Variants in DMD observed in about 807,000 individuals in gnomAD.
The protein encoded by DMD is mutant dystrophin.
Under a neutral mutation model 330.1 loss-of-function variants are expected in DMD, and 63 were observed. The ratio of observed to expected loss-of-function variants is 0.19; its 90% CI spans 0.16 to 0.24. The LOEUF (loss-of-function observed/expected upper bound fraction) is 0.24. DMD is among the 10% of genes least tolerant of loss of function. DMD has a pLI of 1.00. For synonymous variants in DMD, 1,223 were observed against 959.8 expected, an observed-to-expected ratio of 1.27 and a Z score of -5.07; for missense variants, 3,344 against 2,684.1, an observed-to-expected ratio of 1.25 and a Z score of -5.43.
At chrX:32,275,496 C>T (rs2097382519) in intron 43 of DMD, among the ~76,000 whole-genome samples, 1 of 111,551 alleles carries the variant, frequency 9.0e-6, no homozygotes, top group South Asian at 3.8e-4. Flanking sequence ...AGATTGTAGA[C>T]ATATGTAGGA....
intron 45 of DMD, among the ~76,000 whole-genome samples, chrX:31,945,287 T>A (rs1286057443): frequency 8.9e-6 from 1 of 112,452 alleles, no homozygotes; most frequent in Non-Finnish European, 1.9e-5. Flanking sequence ...GTTAACAAAA[T>A]GTTGACAGGC....
At chrX:31,258,230 G>C (rs1057095212) in intron 63 of DMD, among the ~76,000 whole-genome samples, 1 of 112,597 alleles carries the variant, frequency 8.9e-6, no homozygotes, top group Non-Finnish European at 1.9e-5. Context: ...CCACATAGCT[G>C]TGTAGCCCTG....
At chrX:31,333,439 A>C (rs1399851226) in intron 61 of DMD, among the ~76,000 whole-genome samples, 6 of 81,175 alleles carry the variant, frequency 7.4e-5, no homozygotes, top group Non-Finnish European at 6.8e-5. Flanking sequence ...TTTTTGCCTG[A>C]AGATAACAAG....
chrX:32,820,438 T>A (rs180697899), intron 5 of DMD, among the ~76,000 whole-genome samples: 39 of 110,694 alleles, frequency 3.5e-4, no homozygotes, highest in African/African-American at 1.2e-3. Flanking sequence ...CGAGACTCTG[T>A]CTCAAAAATA....
intron 50 of DMD, among the ~76,000 whole-genome samples, chrX:31,782,293 C>T (rs377538214): frequency 2.7e-5 from 3 of 111,032 alleles, no homozygotes; most frequent in Admixed American, 9.7e-5. Flanking sequence ...TCACTTGTTT[C>T]GGCTAATGAG....
At chrX:32,394,910 A>AAAACAAAAAC (rs371961157) in intron 30 of DMD, among the ~76,000 whole-genome samples, 1 of 31,293 alleles carries the variant, frequency 3.2e-5, no homozygotes, top group African/African-American at 1.1e-4. Context: ...GCAAAAAACA[A>AAAACAAAAAC]AAAAACAAAA....
chrX:33,249,897 C>A (rs12011287), intron 1 of DMD, among the ~76,000 whole-genome samples: 427 of 109,711 alleles, frequency 3.9e-3, no homozygotes, highest in African/African-American at 0.013. Flanking sequence ...GGATACTGTA[C>A]TCAGAGAATG....
chrX:32,064,708 G>A (rs2147719415), intron 44 of DMD, among the ~76,000 whole-genome samples: 1 of 110,988 alleles, frequency 9.0e-6, no homozygotes. Flanking sequence ...TGGGTATATG[G>A]TGAGCTAAAG....
intron 44 of DMD, among the ~76,000 whole-genome samples, chrX:32,130,136 G>T (rs1360056400): frequency 9.0e-6 from 1 of 110,581 alleles, no homozygotes; most frequent in East Asian, 2.8e-4. Flanking sequence ...TTATAACAAG[G>T]GGGTGAGGAC....
intron 55 of DMD, among the ~76,000 whole-genome samples, chrX:31,576,951 G>C (rs955836143): frequency 9.1e-6 from 1 of 110,066 alleles, no homozygotes; most frequent in African/African-American, 3.3e-5. Flanking sequence ...TCCTGACCTC[G>C]TGATCCGCCC....
intron 55 of DMD, among the ~76,000 whole-genome samples, chrX:31,591,994 T>C (rs2076896390): frequency 9.0e-6 from 1 of 110,798 alleles, no homozygotes; most frequent in Admixed American, 9.7e-5. Flanking sequence ...AAGCCTTGCC[T>C]GGTCCTATTG....
intron 7 of DMD, among the ~76,000 whole-genome samples, chrX:32,713,126 C>G (rs2065346125): frequency 8.9e-6 from 1 of 111,826 alleles, no homozygotes; most frequent in South Asian, 3.7e-4. Flanking sequence ...GTTATAAAAT[C>G]TACTAAAGCA....
chrX:33,146,823 A>G lies in DMD; in HGVS notation c.31+64459T>C, dbSNP rs73621879. Among the ~76,000 whole-genome samples the G allele has an allele frequency of 8.3e-3, 911 of 109,997 alleles. 4 individuals carry two copies. Among genetic ancestry groups the G allele is most frequent in the African/African-American group, 0.029 (873 of 29,634 alleles). ...TATTTTGTTGAAGACAAATTAATAA[A>G]TCTTTTTTTTTTCTTTTTGAGACGA... On this transcript the variant is annotated intron_variant, in intron 1 of 78. Coordinates refer to ENST00000357033, the MANE Select transcript of DMD (RefSeq NM_004006.3).
chrX:32,579,970 G>C, intron 13 of DMD, among the ~76,000 whole-genome samples: 2 of 106,863 alleles, frequency 1.9e-5, no homozygotes, highest in Middle Eastern at 0.01. Context: ...GCCTTTTGTT[G>C]TTGTCACTGC....
At chrX:32,126,709 G>C (rs1361216580) in intron 44 of DMD, among the ~76,000 whole-genome samples, 1 of 111,719 alleles carries the variant, frequency 9.0e-6, no homozygotes, top group Admixed American at 9.5e-5. Context: ...CAGTCTATCA[G>C]CTAGAAATGT....
intron 41 of DMD, among the ~76,000 whole-genome samples, chrX:32,332,970 G>T: frequency 9.0e-6 from 1 of 110,809 alleles, no homozygotes; most frequent in Non-Finnish European, 1.9e-5. Flanking sequence ...AATAAAAATG[G>T]CAAGTGCCCA....
intron 2 of DMD, among the ~76,000 whole-genome samples, chrX:32,978,809 C>T (rs945194581): frequency 4.5e-5 from 5 of 111,961 alleles, no homozygotes; most frequent in African/African-American, 1.6e-4. Context: ...AATTTTATTT[C>T]CTTTGCTTCA....
At chrX:32,500,855 A>C in intron 19 of DMD, among the ~76,000 whole-genome samples, 1 of 111,975 alleles carries the variant, frequency 8.9e-6, no homozygotes, top group Non-Finnish European at 1.9e-5. Context: ...CCAAATTTGC[A>C]ATTAAGGCAA....
rs142297104 is a variant in DMD, at chrX:32,308,729, G to T, written c.6117+1353C>A. ...AGTGTAGCCAAGGGTCTAACATTCT[G>T]AGTATGCCAGGCTAAGAGGTATGGA... On this transcript the variant is annotated intron_variant, in intron 42 of 78. Transcript: ENST00000357033. Among the ~76,000 whole-genome samples, 27 of 111,100 alleles carry T rather than the reference G, an allele frequency of 2.4e-4. No homozygotes were observed. In the East Asian group the frequency reaches 7.7e-3, roughly 32 times the overall value.
Sources: gnomAD v4.1 joint callset for allele counts (sites outside exome capture counted in the v4.1 genomes callset) on GRCh38, gnomAD v4.1.1 for gene constraint, MANE v1.5 for transcripts, NCBI Gene and HGNC (gene_info 2026-07-23, HGNC 2026-07-21) for gene names.